PRKN: variants seen among roughly 807,000 people sequenced by gnomAD.
PRKN encodes E3 ubiquitin-protein ligase parkin.
Under a neutral mutation model 59.5 loss-of-function variants are expected in PRKN, and 56 were observed. The observed-to-expected ratio is 0.94, with a 90% confidence interval of 0.76 to 1.18. PRKN has a LOEUF of 1.18. PRKN is among the 50% of genes most tolerant of loss of function. PRKN has a pLI of 0.00. For missense variants in PRKN, 657 were observed against 596.4 expected (o/e 1.10, Z -1.06); for synonymous variants, 250 against 222.1 (o/e 1.13, Z -1.12).
chr6:161,555,005 G>T (rs781672504), intron 8 of PRKN, among the ~76,000 whole-genome samples: 1 of 152,036 alleles, frequency 6.6e-6, no homozygotes, highest in Non-Finnish European at 1.5e-5. Flanking sequence ...TGTCAGGAAA[G>T]TTGTACTGAA....
chr6:162,212,384 C>CTT (rs34516745), intron 3 of PRKN, among the ~76,000 whole-genome samples: 13,202 of 148,560 alleles, frequency 0.089, 815 homozygotes, highest in South Asian at 0.26. Context: ...GACATTAAAC[C>CTT]CTGTGAATGA....
intron 1 of PRKN, among the ~76,000 whole-genome samples, chr6:162,629,910 C>T (rs926855195): frequency 6.6e-6 from 1 of 151,930 alleles, no homozygotes; most frequent in African/African-American, 2.4e-5. Context: ...TATATAATTC[C>T]CAATAAAATG....
intron 10 of PRKN, among the ~76,000 whole-genome samples, chr6:161,370,980 C>A (rs1290744017): frequency 6.6e-6 from 1 of 152,206 alleles, no homozygotes; most frequent in Non-Finnish European, 1.5e-5. Flanking sequence ...TTGAGCACTG[C>A]TGCGTGTGAG....
chr6:162,439,884 A>C (rs923528827), intron 2 of PRKN, among the ~76,000 whole-genome samples: 3 of 152,220 alleles, frequency 2.0e-5, no homozygotes, highest in African/African-American at 7.2e-5. Context: ...GGTATCAGTA[A>C]GGCTTCCCGT....
intron 4 of PRKN, among the ~76,000 whole-genome samples, chr6:162,186,518 C>T (rs1418442364): frequency 6.6e-6 from 1 of 152,054 alleles, no homozygotes; most frequent in Admixed American, 6.6e-5. Context: ...TGGAAAGACT[C>T]CACTCAGAGA....
At chr6:162,555,606 T>G (rs1052434435) in intron 1 of PRKN, among the ~76,000 whole-genome samples, 1 of 151,256 alleles carries the variant, frequency 6.6e-6, no homozygotes, top group Non-Finnish European at 1.5e-5. Context: ...CAATAAATGA[T>G]GTCAGCGTTA....
At chr6:161,825,369 A>G (rs1461947738) in intron 6 of PRKN, among the ~76,000 whole-genome samples, 2 of 152,102 alleles carry the variant, frequency 1.3e-5, no homozygotes, top group African/African-American at 2.4e-5. Context: ...GGTCTCCCAA[A>G]TGGTGTAATT....
At position 161,414,560 on chromosome 6, in the gene PRKN, C is replaced by A. The variant is rs1360094969; in HGVS notation, c.1084-27683G>T. On this transcript the variant is annotated intron_variant, in intron 9 of 11. Coordinates refer to ENST00000366898, the MANE Select transcript of PRKN (RefSeq NM_004562.3). The surrounding 1 kb of genome is among the most constrained non-coding windows in gnomAD (Gnocchi z 5.3). ...GGTAGAATTATTTATTCACTTCTAG[C>A]CTTTTGGCTGAGACTGTTTTGAAAA... is the stretch of plus-strand genomic sequence containing the variant. 6.6e-6 allele frequency among the ~76,000 whole-genome samples: 1 copy of A among 152,216 alleles called. No individual in the cohort carries two copies. Among genetic ancestry groups the A allele is most frequent in the African/African-American group, 2.4e-5 (1 of 41,438 alleles).
At chr6:161,589,337 C>T (rs1781631588) in intron 7 of PRKN, among the ~76,000 whole-genome samples, 1 of 152,204 alleles carries the variant, frequency 6.6e-6, no homozygotes, top group Admixed American at 6.5e-5. Context: ...GCCCTCACCT[C>T]ACTCCACTCT....
Position 162,014,658 on chromosome 6 carries a change from T to C in PRKN, c.618+39433A>G, listed in dbSNP as rs142700354. ...ACTCCCTATACACTGCAGTGAGTGA[T>C]GAAAGGTTTAACTCATTAAGGGCTT... is the stretch of plus-strand genomic sequence containing the variant. On this transcript the variant is annotated intron_variant, in intron 5 of 11. Transcript: ENST00000366898. 5.9e-3 allele frequency among the ~76,000 whole-genome samples: 892 copies of C among 152,280 alleles called. 2 individuals carry two copies. Among genetic ancestry groups the C allele is most frequent in the Admixed American group, 0.014 (213 of 15,278 alleles).
intron 1 of PRKN, among the ~76,000 whole-genome samples, chr6:162,443,873 G>A (rs1790181721): frequency 6.6e-6 from 1 of 151,490 alleles, no homozygotes. Flanking sequence ...AAAAATAGGA[G>A]GCGATGTGTT....
intron 6 of PRKN, among the ~76,000 whole-genome samples, chr6:161,878,806 T>C (rs1033528693): frequency 1.3e-5 from 2 of 152,186 alleles, no homozygotes; most frequent in African/African-American, 4.8e-5. Context: ...TTGGTGCTCC[T>C]ACAAACATTC....
chr6:162,696,559 C>CTTTTTTTTTTTTTTTTT (rs748055251), intron 1 of PRKN, among the ~76,000 whole-genome samples: 2 of 108,510 alleles, frequency 1.8e-5, no homozygotes, highest in Non-Finnish European at 1.8e-5. Context: ...TCAGGAAAAA[C>CTTTTTTTTTTTTTTTTT]TTTTTTTTTT....
Position 162,215,287 on chromosome 6 carries a change from T to C in PRKN, c.413-14035A>G, listed in dbSNP as rs183475115. ...TGATGAATAAAAACGGTAAATATTA[T>C]GTGGAGGAACCAAATAACTAGACTT... On this transcript the variant is annotated intron_variant, in intron 3 of 11. Transcript: ENST00000366898. 2.1e-3 allele frequency among the ~76,000 whole-genome samples: 323 copies of C among 152,340 alleles called. 1 individual carries two copies. Among genetic ancestry groups the C allele is most frequent in the Admixed American group, 3.3e-3 (51 of 15,304 alleles).
chr6:162,473,624 C>G (rs577821814), intron 1 of PRKN, among the ~76,000 whole-genome samples: 3 of 152,034 alleles, frequency 2.0e-5, no homozygotes, highest in Admixed American at 2.0e-4. Flanking sequence ...AACAAATAAT[C>G]AATATAGGAG....
intron 7 of PRKN, among the ~76,000 whole-genome samples, chr6:161,635,487 T>C (rs1161792288): frequency 6.6e-6 from 1 of 152,218 alleles, no homozygotes; most frequent in African/African-American, 2.4e-5. Flanking sequence ...CTCAGGTGCC[T>C]TCCTCAGCCC....
chr6:161,632,449 A>G (rs1783351146), intron 7 of PRKN, among the ~76,000 whole-genome samples: 1 of 152,226 alleles, frequency 6.6e-6, no homozygotes, highest in African/African-American at 2.4e-5. Flanking sequence ...GTGAAATTGC[A>G]TCTTGATTCA....
intron 1 of PRKN, among the ~76,000 whole-genome samples, chr6:162,575,099 G>T (rs1035958929): frequency 6.6e-6 from 1 of 152,024 alleles, no homozygotes; most frequent in Non-Finnish European, 1.5e-5. Flanking sequence ...TGGCTACTAG[G>T]TCTCCTCTCC....
At chr6:162,234,234 G>C (rs1247563284) in intron 3 of PRKN, among the ~76,000 whole-genome samples, 1 of 152,162 alleles carries the variant, frequency 6.6e-6, no homozygotes, top group Non-Finnish European at 1.5e-5. Flanking sequence ...CTGGCATCAT[G>C]TCAAGGCTGG....
Sources: allele counts gnomAD v4.1 joint callset (sites outside exome capture counted in the v4.1 genomes callset), GRCh38; gene constraint gnomAD v4.1.1; non-coding constraint Gnocchi (gnomAD v3.1); transcripts MANE v1.5; gene names NCBI Gene and HGNC (gene_info 2026-07-23, HGNC 2026-07-21).